The following CELSR1 variants were observed in gnomAD, a reference collection of about 807,000 sequenced individuals.
CELSR1 encodes adhesion G protein-coupled receptor C1.
Under a neutral mutation model 249.1 loss-of-function variants are expected in CELSR1, and 110 were observed. The ratio of observed to expected loss-of-function variants is 0.44; its 90% confidence interval spans 0.38 to 0.52. CELSR1 has a LOEUF of 0.52. Ranked by LOEUF, CELSR1 falls within the 20% of genes least tolerant of loss-of-function variation. The probability of loss-of-function intolerance (pLI) is 0.00; values close to 1 mark genes in which losing one functional copy is unlikely to be tolerated. For missense variants in CELSR1, 4,109 were observed against 4,296.4 expected (o/e 0.96, Z 1.22); for synonymous variants, 2,113 against 1,900.0 (o/e 1.11, Z -2.92).
intron 2 of CELSR1, among the ~76,000 whole-genome samples, chr22:46,451,458 C>T (rs574298709): frequency 7.0e-4 from 106 of 152,348 alleles, no homozygotes; most frequent in Non-Finnish European, 1.4e-3. Context: ...TGATCCACTG[C>T]TTTGCTGTTT....
chr22:46,372,991 C>A lies in CELSR1; in HGVS notation c.7651G>T (p.Val2551Leu). 6.2e-7 allele frequency: 1 copy of A among 1,613,186 alleles called. No individual in the cohort carries two copies. Among genetic ancestry groups the A allele is most frequent in the Non-Finnish European group, 8.5e-7 (1 of 1,179,846 alleles). Residue 2551 changes from valine to leucine, a missense_variant, in exon 25 of 35, where the codon GTG becomes TTG. Val to Leu is a conservative substitution (Grantham distance 32). This residue lies in a region of CELSR1 where 1,805 missense variants were observed against 1,831.6 expected (regional missense o/e 0.99). Transcript: ENST00000674500. ...IYMSTFAWTL[V>L]ESLHVYRMLT... ...ATGCGGTAGACATGCAGGCTCTCCA[C>A]GAGGGTCCAGGCAAAGGTGCTCATG... is the stretch of plus-strand genomic sequence containing the variant.
rs117950618 is a variant in CELSR1, at chr22:46,485,881, T to C, written c.3545-21536A>G. Among the ~76,000 whole-genome samples, 102 of 151,952 alleles carry C rather than the reference T, an allele frequency of 6.7e-4. No homozygotes were observed. In the East Asian group the frequency reaches 0.017, roughly 26 times the overall value. On this transcript the variant is annotated intron_variant, in intron 1 of 34. Transcript: ENST00000674500. The stretch of plus-strand genomic sequence containing the variant: ...CGTTTGTCTATGACAGTGATATGTG[T>C]CGTGGCCCAAACTAATCTGCTCTTA...
rs563396178 is a variant in CELSR1, at chr22:46,521,437, G to A, written c.3544+12190C>T. 9.3e-5 allele frequency among the ~76,000 whole-genome samples: 14 copies of A among 151,088 alleles called. 1 individual carries two copies. Among genetic ancestry groups the A allele is most frequent in the Admixed American group, 3.3e-4 (5 of 15,188 alleles). ...GGAGAATGGCATGAACCCGGGAGGCGGAGCTTGCAGTGAGCCGAGATCGCG... is the reference window on the plus strand; with the variant it reads ...GGAGAATGGCATGAACCCGGGAGGCAGAGCTTGCAGTGAGCCGAGATCGCG... On this transcript the variant is annotated intron_variant, in intron 1 of 34. Coordinates refer to ENST00000674500, the MANE Select transcript of CELSR1 (RefSeq NM_001378328.1).
Position 46,406,706 on chromosome 22 carries a change from C to G in CELSR1, c.5226+2290G>C, listed in dbSNP as rs1346037624. On this transcript the variant is annotated intron_variant, in intron 9 of 34. Transcript: ENST00000674500. This position sits in a 1 kb window ranked among gnomAD's most constrained non-coding sequence, Gnocchi z 5.4. The stretch of plus-strand genomic sequence containing the variant: ...AAGGGCCTGTGGCTGTCCCAGGAAC[C>G]TGGGCAGGAAAAGAACCATAGGGTC... 6.6e-6 allele frequency among the ~76,000 whole-genome samples: 1 copy of G among 152,194 alleles called. No individual in the cohort carries two copies. The highest frequency in any genetic ancestry group is 2.4e-5 in the African/African-American group (1 of 41,446).
Position 46,436,316 on chromosome 22 carries a change from C to T in CELSR1, c.4407-27G>A. On this transcript the variant is annotated intron_variant, in intron 3 of 34. Coordinates refer to ENST00000674500, the MANE Select transcript of CELSR1 (RefSeq NM_001378328.1). The surrounding 1 kb of genome is among the most constrained non-coding windows in gnomAD (Gnocchi z 5.9). The stretch of plus-strand genomic sequence containing the variant: ...TGTGGGGCCAAGCAGAGGCACATCA[C>T]AGGATGAAGACCCCAGGGTCCAAAG... 2 of 1,581,078 alleles carry T rather than the reference C, an allele frequency of 1.3e-6. No homozygotes were observed. Among genetic ancestry groups the T allele is most frequent in the East Asian group, 4.5e-5 (2 of 44,652 alleles).
intron 1 of CELSR1, chr22:46,481,275 TA>T: frequency 2.2e-6 from 1 of 455,936 alleles, no homozygotes. Context: ...CCCAATTCCT[TA>T]TAAAAAATAC....
intron 1 of CELSR1, among the ~76,000 whole-genome samples, chr22:46,475,394 T>C (rs1354264724): frequency 1.3e-5 from 2 of 152,092 alleles, no homozygotes; most frequent in Non-Finnish European, 2.9e-5. Context: ...TGTCTGCTTC[T>C]GCTTACGAGA....
chr22:46,469,987 G>A (rs2080138092), intron 1 of CELSR1, among the ~76,000 whole-genome samples: 10 of 137,218 alleles, frequency 7.3e-5, no homozygotes, highest in Non-Finnish European at 1.3e-4. Context: ...GAGGAGGAGG[G>A]GAGGGAGGGA....
At chr22:46,489,234 A>G (rs2080344845) in intron 1 of CELSR1, among the ~76,000 whole-genome samples, 2 of 151,894 alleles carry the variant, frequency 1.3e-5, no homozygotes, top group Admixed American at 1.3e-4. Flanking sequence ...CGTCATCACA[A>G]TCAAAACTAC....
At chr22:46,425,639 T>C (rs1250924426) in intron 5 of CELSR1, among the ~76,000 whole-genome samples, 1 of 152,248 alleles carries the variant, frequency 6.6e-6, no homozygotes, top group Non-Finnish European at 1.5e-5. Context: ...TTCCTGATAT[T>C]GGCAATTTGT....
chr22:46,363,090 T>C lies in CELSR1; in HGVS notation c.*133A>G. 1.3e-6 allele frequency: 2 copies of C among 1,589,268 alleles called. No individual in the cohort carries two copies. Among genetic ancestry groups the C allele is most frequent in the African/African-American group, 1.3e-5 (1 of 74,446 alleles). On this transcript the variant is annotated 3_prime_UTR_variant, in exon 35 of 35. Transcript: ENST00000674500. This position sits in a 1 kb window ranked among gnomAD's most constrained non-coding sequence, Gnocchi z 4.3. Reference sequence around the variant, plus strand: ...TGCCACCATGGGGACCGCCACACTCTGGGCCCACTCCACTTCAAGGGCAGT... The same window carrying C: ...TGCCACCATGGGGACCGCCACACTCCGGGCCCACTCCACTTCAAGGGCAGT...
Position 46,471,987 on chromosome 22 carries a change from T to C in CELSR1, c.3545-7642A>G, listed in dbSNP as rs1431686929. On this transcript the variant is annotated intron_variant, in intron 1 of 34. Coordinates refer to ENST00000674500, the MANE Select transcript of CELSR1 (RefSeq NM_001378328.1). The surrounding 1 kb of genome is among the most constrained non-coding windows in gnomAD (Gnocchi z 4.9). ...ACAGGTCAGTTCACAGTTTGGGGTC[T>C]GCTTGATTCCGGGAGGCACGGCACC... Among the ~76,000 whole-genome samples, 1 of 152,196 alleles carries C rather than the reference T, an allele frequency of 6.6e-6. No homozygotes were observed. Among genetic ancestry groups the C allele is most frequent in the African/African-American group, 2.4e-5 (1 of 41,448 alleles).
At chr22:46,382,331 G>A (rs945773054) in intron 20 of CELSR1, among the ~76,000 whole-genome samples, 4 of 152,120 alleles carry the variant, frequency 2.6e-5, no homozygotes, top group Admixed American at 2.6e-4. Context: ...AGGCTGGAGT[G>A]CAGTGGCGCC....
chr22:46,373,024 A>G lies in CELSR1; in HGVS notation c.7618T>C (p.Tyr2540His). ...LCTVVAILLH[Y>H]IYMSTFAWTL... ...CAGGCAAAGGTGCTCATGTAGATGT[A>G]GTGGAGGAGGATGGCAACCACTGTG... Residue 2540 changes from tyrosine to histidine, a missense_variant, in exon 25 of 35, where the codon TAC becomes CAC. Physicochemically the swap from Tyr to His is moderately conservative, Grantham distance 83 (BLOSUM62 2). Coordinates refer to ENST00000674500, the MANE Select transcript of CELSR1 (RefSeq NM_001378328.1). 6.2e-7 allele frequency: 1 copy of G among 1,611,594 alleles called. No homozygotes were observed. Among genetic ancestry groups the G allele is most frequent in the Non-Finnish European group, 8.5e-7 (1 of 1,179,048 alleles).
chr22:46,424,415 A>G (rs1022123747), intron 5 of CELSR1, among the ~76,000 whole-genome samples: 2 of 152,114 alleles, frequency 1.3e-5, no homozygotes, highest in Admixed American at 1.3e-4. Context: ...ATTTTGAGAC[A>G]ATTTTAGAGG....
At chr22:46,499,495 G>A (rs1054321139) in intron 1 of CELSR1, among the ~76,000 whole-genome samples, 1 of 152,162 alleles carries the variant, frequency 6.6e-6, no homozygotes, top group Non-Finnish European at 1.5e-5. Flanking sequence ...AATCAGCAAA[G>A]CACTTTTTTG....
At chr22:46,459,096 G>C (rs2079990437) in intron 2 of CELSR1, among the ~76,000 whole-genome samples, 1 of 152,104 alleles carries the variant, frequency 6.6e-6, no homozygotes, top group East Asian at 1.9e-4. Flanking sequence ...CACCGTGTTG[G>C]CCAGGATGGT....
intron 18 of CELSR1, among the ~76,000 whole-genome samples, chr22:46,388,835 C>A (rs1424015327): frequency 6.6e-6 from 1 of 152,052 alleles, no homozygotes; most frequent in South Asian, 2.1e-4. Context: ...GACCTCAGAG[C>A]TGCGGGTGGG....
rs66516431 is a variant in CELSR1 at position 46,408,063 on chromosome 22, TCAAA to T, written c.5226+929_5226+932del. ...AGAAGACAGGGCTCATAACTGTTTC[TCAAA>T]CAAAGTGTCTACGGAGCATGGAAGA... On this transcript the variant is annotated intron_variant, in intron 9 of 34. Transcript: ENST00000674500. The surrounding 1 kb of genome is among the most constrained non-coding windows in gnomAD (Gnocchi z 4.6). Among the ~76,000 whole-genome samples, 9,817 of 152,252 alleles carry T rather than the reference TCAAA, an allele frequency of 0.064. 998 individuals are homozygous for T. The highest frequency in any genetic ancestry group is 0.22 in the African/African-American group (9,112 of 41,522).
Sources: gnomAD v4.1 joint callset for allele counts (sites outside exome capture counted in the v4.1 genomes callset) on GRCh38, gnomAD v4.1.1 for gene constraint, gnomAD v4.1.1 regional missense constraint, Gnocchi (gnomAD v3.1) non-coding constraint, MANE v1.5 for transcripts, NCBI Gene and HGNC (gene_info 2026-07-23, HGNC 2026-07-21) for gene names.